TSPAN14: variants seen among roughly 807,000 people sequenced by gnomAD.
TSPAN14 encodes tetraspanin 14, also known as tetraspanin-14.
In TSPAN14, 16 loss-of-function variants were observed where a neutral mutation model predicts 36.6. That is an observed-to-expected ratio of 0.44 (90% confidence interval 0.30 to 0.66). The LOEUF is 0.66. Ranked by LOEUF, TSPAN14 falls within the 30% of genes least tolerant of loss-of-function variation. TSPAN14 has a pLI of 0.12. For synonymous variants in TSPAN14, 139 were observed against 143.8 expected (o/e 0.97, Z 0.24); for missense variants, 231 against 355.1 (o/e 0.65, Z 2.81).
intron 2 of TSPAN14, among the ~76,000 whole-genome samples, chr10:80,499,577 C>G (rs1387999111): frequency 1.3e-5 from 2 of 152,160 alleles, no homozygotes; most frequent in Non-Finnish European, 2.9e-5. Context: ...TGGTAAGATA[C>G]TGTGTTGCCA....
At chr10:80,482,632 C>T (rs963324734) in intron 1 of TSPAN14, among the ~76,000 whole-genome samples, 2 of 150,668 alleles carry the variant, frequency 1.3e-5, no homozygotes, top group Non-Finnish European at 2.9e-5. Flanking sequence ...TGCGTGTGCA[C>T]TGGATTGACT....
chr10:80,473,778 C>T (rs1846698288), intron 1 of TSPAN14, among the ~76,000 whole-genome samples: 1 of 142,074 alleles, frequency 7.0e-6, no homozygotes. Flanking sequence ...TGCAGTGTTT[C>T]TGGTGGCCCC....
rs1589316199 is a variant in TSPAN14, at chr10:80,520,438, C to G, written c.*2462C>G. On this transcript the variant is annotated 3_prime_UTR_variant, in exon 9 of 9. Transcript: ENST00000429989. ...CCGCACAGAGGCACAGGGCAGGCCT[C>G]CTGTGCACTCCCCACCTAGCACTGG... 3 of 422,708 alleles carry G rather than the reference C, an allele frequency of 7.1e-6. No homozygotes were observed. The East Asian group carries it at 1.7e-4, about 25-fold the overall frequency. 26.2% of individuals were successfully genotyped at this position (422,708 alleles called of 1,614,324 possible). A position where few individuals can be genotyped will look rare whatever the true frequency, so the allele number is the denominator to read the frequency against.
rs983662890 is a variant in TSPAN14 at position 80,498,921 on chromosome 10, C to A, written c.82-5807C>A. Among the ~76,000 whole-genome samples the A allele has an allele frequency of 8.5e-5, 13 of 152,256 alleles. No individual in the cohort carries two copies. In the East Asian group the frequency reaches 2.5e-3, roughly 29 times the overall value. The stretch of plus-strand genomic sequence containing the variant: ...GACTGGACCCAGGGCCGGCTTTGTT[C>A]AGGGGAAGAGGCTCTGTGAATGTCA... On this transcript the variant is annotated intron_variant, in intron 2 of 8. Transcript: ENST00000429989.
intron 7 of TSPAN14, 133 bp downstream of exon 7, chr10:80,514,196 C>A: frequency 1.3e-6 from 1 of 788,160 alleles, no homozygotes. Flanking sequence ...GCCACCTAAG[C>A]TGAGCATAGG....
intron 1 of TSPAN14, among the ~76,000 whole-genome samples, chr10:80,477,915 A>G (rs970513413): frequency 6.6e-6 from 1 of 152,212 alleles, no homozygotes; most frequent in Admixed American, 6.5e-5. Flanking sequence ...TGGGAAAAAA[A>G]TACAAATGAT....
chr10:80,499,744 C>T (rs986857971), intron 2 of TSPAN14, among the ~76,000 whole-genome samples: 4 of 152,158 alleles, frequency 2.6e-5, no homozygotes, highest in African/African-American at 9.7e-5. Context: ...GCCTTAGGTC[C>T]ATTAAGTATT....
intron 1 of TSPAN14, among the ~76,000 whole-genome samples, chr10:80,474,724 C>T (rs61188968): frequency 0.14 from 21,555 of 152,014 alleles, 2,341 homozygotes; most frequent in African/African-American, 0.31. Flanking sequence ...GCCTGGGGAG[C>T]TCGCAGTGCC....
rs1010043449 is a variant in TSPAN14 at position 80,514,073 on chromosome 10, C to T, written c.621+10C>T. ...TGATGTCAGGATTCAGGTGAGAACT[C>T]CCATGTATACAACTTGAAGAGTTCT... On this transcript the variant is annotated intron_variant, in intron 7 of 8. Transcript: ENST00000429989. 5.6e-6 allele frequency: 9 copies of T among 1,610,428 alleles called. No homozygotes were observed. Among genetic ancestry groups the T allele is most frequent in the Non-Finnish European group, 7.6e-6 (9 of 1,176,990 alleles).
chr10:80,516,337 G>C lies in TSPAN14; in HGVS notation c.741+14G>C, dbSNP rs1564748704. On this transcript the variant is annotated intron_variant, in intron 8 of 8. Coordinates refer to ENST00000429989, the Ensembl canonical transcript of TSPAN14. ...TCGCTGTTGCAGGTGTGTCCCAGGA[G>C]CCTATAGGATTGGCAGGTGGCCTTT... is the stretch of plus-strand genomic sequence containing the variant. 1 of 1,614,172 alleles carries C rather than the reference G, an allele frequency of 6.2e-7. No homozygotes were observed. Among genetic ancestry groups the C allele is most frequent in the East Asian group, 2.2e-5 (1 of 44,884 alleles).
intron 6 of TSPAN14, 130 bp downstream of exon 6, chr10:80,512,399 C>T (rs914013443): frequency 6.0e-6 from 8 of 1,344,188 alleles, no homozygotes; most frequent in South Asian, 1.5e-5. Context: ...TTTCTCCACA[C>T]CCTCCTCAAG....
chr10:80,520,517 C>A, exon 9 of TSPAN14: 1 of 463,348 alleles, frequency 2.2e-6, no homozygotes, highest in Non-Finnish European at 4.4e-6. Flanking sequence ...GCATTTGCAC[C>A]CTCTTCTCAC....
intron 1 of TSPAN14, among the ~76,000 whole-genome samples, chr10:80,484,597 C>T (rs1219732452): frequency 6.6e-6 from 1 of 152,142 alleles, no homozygotes; most frequent in Non-Finnish European, 1.5e-5. Context: ...ATGTTCATAT[C>T]CTTTGTTCAT....
chr10:80,456,131 T>A (rs769925245), intron 1 of TSPAN14, among the ~76,000 whole-genome samples: 21 of 152,296 alleles, frequency 1.4e-4, no homozygotes, highest in Middle Eastern at 6.8e-3. Flanking sequence ...GTCTGGAAAG[T>A]CCCTCACCAG....
rs527378039 is a variant in TSPAN14, at chr10:80,480,768, TG to T, written c.-17-8445del. On this transcript the variant is annotated intron_variant, in intron 1 of 8. Coordinates refer to ENST00000429989, the Ensembl canonical transcript of TSPAN14. ...ACACAGGAAGGGGAACGTCACACTC[TG>T]GGGACTGTTGTGCGGTGGGGGGAGG... Among the ~76,000 whole-genome samples the T allele has an allele frequency of 4.1e-5, 6 of 146,330 alleles. No individual in the cohort carries two copies. In the East Asian group the frequency reaches 1.2e-3, roughly 30 times the overall value.
At chr10:80,507,058 G>T (rs867681784) in intron 3 of TSPAN14, 170 bp from the exon 4 acceptor site, 3 of 778,566 alleles carry the variant, frequency 3.9e-6, no homozygotes, top group Non-Finnish European at 6.1e-6. Flanking sequence ...TCGCCTGGTC[G>T]GAGGGGCCCC....
chr10:80,515,017 C>G (rs565160665), intron 7 of TSPAN14, among the ~76,000 whole-genome samples: 2 of 152,290 alleles, frequency 1.3e-5, no homozygotes, highest in South Asian at 4.1e-4. Flanking sequence ...ACTTCCCGGC[C>G]TCCAGGACTG....
intron 1 of TSPAN14, among the ~76,000 whole-genome samples, chr10:80,488,880 A>G (rs1453039308): frequency 6.6e-6 from 1 of 152,094 alleles, no homozygotes; most frequent in Non-Finnish European, 1.5e-5. Context: ...GGTTTCCTCA[A>G]CCATGAAGTG....
chr10:80,511,718 CTCTCT>C, intron 5 of TSPAN14, among the ~76,000 whole-genome samples: 2 of 26,144 alleles, frequency 7.6e-5, no homozygotes, highest in Non-Finnish European at 1.4e-4. Flanking sequence ...GGTCCTCTCT[CTCTCT>C]CTCTCTCTCT....
Sources: gnomAD v4.1 joint callset for allele counts (sites outside exome capture counted in the v4.1 genomes callset) on GRCh38, gnomAD v4.1.1 for gene constraint, MANE v1.5 for transcripts, NCBI Gene and HGNC (gene_info 2026-07-23, HGNC 2026-07-21) for gene names.